Variants in HACD4 observed in about 807,000 individuals in gnomAD.
The protein encoded by HACD4 is very-long-chain (3R)-3-hydroxyacyl-CoA dehydratase 4.
Under a neutral mutation model 33.3 loss-of-function variants are expected in HACD4, and 35 were observed. The observed-to-expected ratio is 1.05, with a 90% CI of 0.80 to 1.39. The LOEUF is 1.39. HACD4 is among the 40% of genes most tolerant of loss of function. HACD4 has a pLI of 0.00. For synonymous variants in HACD4, 118 were observed against 98.0 expected (o/e 1.20, Z -1.21); for missense variants, 323 against 276.5 (o/e 1.17, Z -1.19).
At chr9:21,009,575 A>T (rs916466646) in intron 5 of HACD4, among the ~76,000 whole-genome samples, 4 of 152,322 alleles carry the variant, frequency 2.6e-5, no homozygotes, top group African/African-American at 9.6e-5. Context: ...ATAATTGTAT[A>T]CATATATGAA....
Position 21,029,317 on chromosome 9 carries a change from G to A in HACD4, c.120C>T (p.Val40=). ...TACCTTTTCCAAATGAAAAGAATCT[G>A]ACTGTCATATTTGTAAATATCCAAG... ...GHSWIFTNMT[V]RFFSFGKDSM... Residue 40 remains valine (V), a synonymous_variant, in exon 2 of 7, where the codon GTC becomes GTT. Transcript: ENST00000495827. The A allele has an allele frequency of 6.3e-7, 1 of 1,584,434 alleles. No individual in the cohort carries two copies. Among genetic ancestry groups the A allele is most frequent in the Non-Finnish European group, 8.6e-7 (1 of 1,158,866 alleles).
chr9:21,019,469 GTGTT>G (rs1390154217), intron 3 of HACD4, among the ~76,000 whole-genome samples: 1 of 152,000 alleles, frequency 6.6e-6, no homozygotes, highest in Non-Finnish European at 1.5e-5. Context: ...ACTGAGAAAA[GTGTT>G]TGACACACAT....
intron 2 of HACD4, among the ~76,000 whole-genome samples, chr9:21,028,135 C>CAAAAAAAAAAAAAAAAAAAAAAAAAAA (rs71334571): frequency 1.1e-5 from 1 of 93,456 alleles, no homozygotes. Context: ...AACTCCATCT[C>CAAAAAAAAAAAAAAAAAAAAAAAAAAA]AAAAAAAAAA....
At chr9:21,024,878 C>G (rs182902323) in intron 3 of HACD4, among the ~76,000 whole-genome samples, 2 of 152,310 alleles carry the variant, frequency 1.3e-5, no homozygotes, top group East Asian at 3.9e-4. Flanking sequence ...CAAGCAAAAT[C>G]ATTCCAGATG....
intron 3 of HACD4, among the ~76,000 whole-genome samples, chr9:21,021,327 G>A (rs887432092): frequency 6.6e-6 from 1 of 152,182 alleles, no homozygotes; most frequent in Admixed American, 6.5e-5. Context: ...ACAAGACAGG[G>A]ATGCCCTCTC....
chr9:21,031,026 A>G (rs767959981), intron 1 of HACD4, among the ~76,000 whole-genome samples: 7 of 152,194 alleles, frequency 4.6e-5, no homozygotes, highest in Non-Finnish European at 8.8e-5. Flanking sequence ...CCTCCCCTAT[A>G]AAGGCAGGAA....
At chr9:21,023,718 G>C (rs750000537) in intron 3 of HACD4, among the ~76,000 whole-genome samples, 1 of 152,058 alleles carries the variant, frequency 6.6e-6, no homozygotes, top group Non-Finnish European at 1.5e-5. Flanking sequence ...GGGATCACAG[G>C]CACGCGCCAC....
chr9:21,016,894 A>T (rs1842568579), intron 3 of HACD4, among the ~76,000 whole-genome samples: 1 of 152,046 alleles, frequency 6.6e-6, no homozygotes, highest in Non-Finnish European at 1.5e-5. Flanking sequence ...AATCATTGAG[A>T]CTTCACACAT....
Position 21,015,930 on chromosome 9 carries a change from T to TAA in HACD4, c.349_350dup (p.Leu117PhefsTer22). On this transcript the variant is annotated frameshift_variant, in exon 4 of 7. Transcript: ENST00000495827. LOFTEE classifies it high-confidence loss of function. Reference sequence around the variant, plus strand: ...TATCCAATAGATTCCAAAAGACGAATAAAACACACACCACATATTTCTCTT... The same window carrying TAA: ...TATCCAATAGATTCCAAAAGACGAATAAAAAACACACACCACATATTTCTCTT... 1 of 1,612,750 alleles carries TAA rather than the reference T, an allele frequency of 6.2e-7. No individual in the cohort carries two copies. Among genetic ancestry groups the TAA allele is most frequent in the East Asian group, 2.2e-5 (1 of 44,794 alleles).
intron 3 of HACD4, 131 bp downstream of exon 3, chr9:21,026,464 GA>G (rs1245731782): frequency 4.2e-6 from 3 of 716,680 alleles, no homozygotes; most frequent in Non-Finnish European, 2.3e-6. Context: ...GTCCTTCCAT[GA>G]AATTAATTCT....
intron 1 of HACD4, 121 bp downstream of exon 1, chr9:21,031,432 T>C (rs1818216472): frequency 3.7e-6 from 5 of 1,335,348 alleles, no homozygotes; most frequent in Non-Finnish European, 4.8e-6. Flanking sequence ...CTGGGCACGG[T>C]AGCGCTGCGC....
intron 3 of HACD4, among the ~76,000 whole-genome samples, chr9:21,024,511 TAA>T (rs1211610658): frequency 6.6e-6 from 1 of 152,254 alleles, no homozygotes; most frequent in Non-Finnish European, 1.5e-5. Flanking sequence ...TATAAGCCAT[TAA>T]AGTTTTAATT....
In HACD4 at chr9:21,026,731, C is replaced by T; in HGVS notation, c.143-8G>A. The T allele has an allele frequency of 1.9e-6, 3 of 1,610,270 alleles. No individual in the cohort carries two copies. Among genetic ancestry groups the T allele is most frequent in the Non-Finnish European group, 2.5e-6 (3 of 1,178,424 alleles). On this transcript the variant is annotated splice_region_variant and splice_polypyrimidine_tract_variant and intron_variant, in intron 2 of 6. Coordinates refer to ENST00000495827, the MANE Select transcript of HACD4 (RefSeq NM_001010915.5). ...AAGTGTCAACCATTGAATCTGTATC[C>T]CGTGGGTTAAAAATGCAGATATAGG...
intron 3 of HACD4, among the ~76,000 whole-genome samples, chr9:21,023,663 C>G (rs1274559879): frequency 6.6e-6 from 1 of 151,824 alleles, no homozygotes; most frequent in East Asian, 1.9e-4. Flanking sequence ...TAATCTCTGC[C>G]TCCAGGGTTC....
rs1024114519 is a variant in HACD4 at position 21,007,137 on chromosome 9, G to A, written c.617-18C>T. 3.9e-6 allele frequency: 5 copies of A among 1,281,230 alleles called. No individual in the cohort carries two copies. Among genetic ancestry groups the A allele is most frequent in the South Asian group, 2.4e-5 (2 of 84,116 alleles). 79.4% of individuals were successfully genotyped at this position (1,281,230 alleles called of 1,614,324 possible). ...ATACATACCTAATATGGAGAAAGAA[G>A]TTGCAAAAGTAAGTAAGGTTAACTA... is the stretch of plus-strand genomic sequence containing the variant. On this transcript the variant is annotated intron_variant, in intron 6 of 6. Coordinates refer to ENST00000495827, the MANE Select transcript of HACD4 (RefSeq NM_001010915.5).
rs1187213246 is a variant in HACD4, at chr9:21,004,884, T to G, written c.*2153A>C. On this transcript the variant is annotated 3_prime_UTR_variant, in exon 7 of 7. Coordinates refer to ENST00000495827, the MANE Select transcript of HACD4 (RefSeq NM_001010915.5). This position sits in a 1 kb window ranked among gnomAD's most constrained non-coding sequence, Gnocchi z 4.6. The stretch of plus-strand genomic sequence containing the variant: ...TGGAAGAGTTTTGAGGTACTAGTTT[T>G]TTTGCTAGAAAAAGCCAGTATTGCC... 1 of 152,110 alleles carries G rather than the reference T, an allele frequency of 6.6e-6. No homozygotes were observed. Among genetic ancestry groups the G allele is most frequent in the African/African-American group, 2.4e-5 (1 of 41,396 alleles). 9.4% of individuals were successfully genotyped at this position (152,110 alleles called of 1,614,324 possible).
Position 21,004,556 on chromosome 9 carries a change from G to A in HACD4, c.*2481C>T, listed in dbSNP as rs113583505. 741 of 152,354 alleles carry A rather than the reference G, an allele frequency of 4.9e-3. 3 individuals carry two copies. The highest frequency in any genetic ancestry group is 7.9e-3 in the Non-Finnish European group (540 of 68,064). 9.4% of individuals were successfully genotyped at this position (152,354 alleles called of 1,614,324 possible). On this transcript the variant is annotated 3_prime_UTR_variant, in exon 7 of 7. Transcript: ENST00000495827. The surrounding 1 kb of genome is among the most constrained non-coding windows in gnomAD (Gnocchi z 4.6). ...CCTCCACCATGTGAACATATAGCAAGAAGGCATTCATCTGCAAACCATGAA... is the reference window on the plus strand; with the variant it reads ...CCTCCACCATGTGAACATATAGCAAAAAGGCATTCATCTGCAAACCATGAA...
In HACD4 at chr9:21,031,540, C is replaced by G. The variant is rs776161438; in HGVS notation, c.38+13G>C. 4.8e-6 allele frequency: 7 copies of G among 1,464,608 alleles called. No homozygotes were observed. In the South Asian group the frequency reaches 7.8e-5, roughly 16 times the overall value. 90.7% of individuals were successfully genotyped at this position (1,464,608 alleles called of 1,614,324 possible). The stretch of plus-strand genomic sequence containing the variant: ...CGCGCCCCCTCCCCTCGGGATTCGG[C>G]CGAGCGCCCTACCTGGGCTGCAGCC... On this transcript the variant is annotated intron_variant, in intron 1 of 6. Transcript: ENST00000495827.
intron 5 of HACD4, among the ~76,000 whole-genome samples, chr9:21,010,935 G>A (rs1485953073): frequency 1.3e-5 from 2 of 152,174 alleles, no homozygotes; most frequent in Non-Finnish European, 2.9e-5. Flanking sequence ...GTAGAGCTCA[G>A]GCGATAATGT....
Sources: gnomAD v4.1 joint callset for allele counts (sites outside exome capture counted in the v4.1 genomes callset) on GRCh38, gnomAD v4.1.1 for gene constraint, Gnocchi (gnomAD v3.1) non-coding constraint, MANE v1.5 for transcripts, NCBI Gene and HGNC (gene_info 2026-07-23, HGNC 2026-07-21) for gene names.